The following SLC25A48 variants were observed in gnomAD, a reference collection of about 807,000 sequenced individuals.
SLC25A48 encodes the protein solute carrier family 25 member 48.
A neutral mutation model predicts 32.2 loss-of-function variants in SLC25A48; 29 were observed. The observed-to-expected ratio is 0.90, with a 90% CI of 0.67 to 1.23. SLC25A48 has a LOEUF of 1.23. Among genes scored for constraint, SLC25A48 ranks in the 50% most tolerant of loss-of-function variants. The pLI, the probability that SLC25A48 is intolerant of heterozygous loss-of-function variation, is 0.00. For synonymous variants in SLC25A48, 164 were observed against 172.3 expected, an observed-to-expected ratio of 0.95 and a Z score of 0.38; for missense variants, 399 against 422.7, an observed-to-expected ratio of 0.94 and a Z score of 0.49.
chr5:135,672,677 T>C (rs1753683608), intron 3 of SLC25A48, among the ~76,000 whole-genome samples: 1 of 152,188 alleles, frequency 6.6e-6, no homozygotes, highest in Admixed American at 6.5e-5. Flanking sequence ...GTTTTTTTCG[T>C]AGTTTTTGCA....
intron 3 of SLC25A48, among the ~76,000 whole-genome samples, chr5:135,787,694 T>A (rs1383271132): frequency 1.3e-5 from 2 of 151,942 alleles, no homozygotes; most frequent in Admixed American, 6.6e-5. Flanking sequence ...ACTGGGGGTG[T>A]ACACTGTGAT....
chr5:135,776,272 G>A (rs968624913), intron 3 of SLC25A48, among the ~76,000 whole-genome samples: 4 of 127,426 alleles, frequency 3.1e-5, no homozygotes, highest in Non-Finnish European at 6.3e-5. Flanking sequence ...TATCTGGGGG[G>A]TGGGGGGCAG....
At chr5:135,689,140 A>G (rs142881931) in intron 3 of SLC25A48, among the ~76,000 whole-genome samples, 4 of 152,310 alleles carry the variant, frequency 2.6e-5, no homozygotes, top group East Asian at 3.9e-4. Flanking sequence ...TTTGCATGAA[A>G]TCAATGAGAT....
intron 3 of SLC25A48, among the ~76,000 whole-genome samples, chr5:135,754,431 T>C (rs56261294): frequency 0.4 from 61,480 of 151,884 alleles, 14,330 homozygotes; most frequent in Non-Finnish European, 0.52. Context: ...GGAGTGTTTA[T>C]GCTGTGATAT....
At chr5:135,678,688 G>T (rs942939257) in intron 3 of SLC25A48, among the ~76,000 whole-genome samples, 9 of 152,188 alleles carry the variant, frequency 5.9e-5, no homozygotes, top group African/African-American at 1.7e-4. Context: ...AGGGACGGGG[G>T]TAATTTTTCC....
chr5:135,646,030 T>C (rs1290081555), intron 3 of SLC25A48, among the ~76,000 whole-genome samples: 1 of 152,182 alleles, frequency 6.6e-6, no homozygotes, highest in East Asian at 1.9e-4. Context: ...AGTTTTCTGT[T>C]TGTGTGAAAA....
At chr5:135,790,994 G>C (rs200609676) in intron 3 of SLC25A48, among the ~76,000 whole-genome samples, 1,825 of 22,738 alleles carry the variant, frequency 0.08, 40 homozygotes, top group African/African-American at 0.11. Context: ...GTATAATTAC[G>C]GGGGGGGTGT....
chr5:135,796,925 T>C (rs1757196175), intron 3 of SLC25A48, among the ~76,000 whole-genome samples: 1 of 151,800 alleles, frequency 6.6e-6, no homozygotes. Flanking sequence ...GCGATATTGC[T>C]TTTAATATCC....
At chr5:135,831,600 G>A (rs1758212066), upstream of SLC25A48, among the ~76,000 whole-genome samples, 1 of 152,214 alleles carries the variant, frequency 6.6e-6, no homozygotes, top group Non-Finnish European at 1.5e-5. Context: ...GAAGAAGGGG[G>A]CAGGGATTAG....
At chr5:135,739,324 C>T (rs1363087119) in intron 3 of SLC25A48, among the ~76,000 whole-genome samples, 5 of 151,964 alleles carry the variant, frequency 3.3e-5, no homozygotes, top group South Asian at 4.2e-4. Flanking sequence ...TCACTTTGTA[C>T]CCCAGGCTGG....
chr5:135,712,623 C>T (rs1165352361), intron 3 of SLC25A48, among the ~76,000 whole-genome samples: 2 of 151,566 alleles, frequency 1.3e-5, no homozygotes, highest in Non-Finnish European at 2.9e-5. Flanking sequence ...TGGTTATTCC[C>T]TCAACCCAAA....
rs866938941 is a variant in SLC25A48, at chr5:135,883,224, G to A, written c.*7+3127G>A. The A allele has an allele frequency of 3.3e-5, 33 of 985,288 alleles. No homozygotes were observed. The East Asian group carries it at 9.1e-4, about 27-fold the overall frequency. 61.0% of individuals were successfully genotyped at this position (985,288 alleles called of 1,614,324 possible). ...TTACAAGCATTCTCATCCCCACCCC[G>A]GCTGGGGCAGCGGAGCTTCTGCCTT... On this transcript the variant is annotated intron_variant, in intron 7 of 7. Coordinates refer to ENST00000681962, the MANE Select transcript of SLC25A48 (RefSeq NM_001349336.2).
chr5:135,785,882 C>T (rs1286567424), intron 3 of SLC25A48, among the ~76,000 whole-genome samples: 3 of 147,432 alleles, frequency 2.0e-5, no homozygotes, highest in African/African-American at 5.0e-5. Context: ...GAGGTGGTGA[C>T]ATTACTCACC....
At position 135,853,048 on chromosome 5, in the gene SLC25A48, T is replaced by C. The variant is rs187797773; in HGVS notation, c.421+227T>C. Reference sequence around the variant, plus strand: ...TCACATGAACTTTTTGGTTTCCCAGTGCATTTAAAGTTATGTTTAGACTAT... The same window carrying C: ...TCACATGAACTTTTTGGTTTCCCAGCGCATTTAAAGTTATGTTTAGACTAT... On this transcript the variant is annotated intron_variant, in intron 4 of 7. Transcript: ENST00000681962. 2.6e-5 allele frequency among the ~76,000 whole-genome samples: 4 copies of C among 152,342 alleles called. No homozygotes were observed. The East Asian group carries it at 7.7e-4, about 29-fold the overall frequency.
intron 4 of SLC25A48, among the ~76,000 whole-genome samples, chr5:135,866,711 TAGCC>T (rs745710697): frequency 2.0e-5 from 3 of 152,258 alleles, no homozygotes; most frequent in Non-Finnish European, 4.4e-5. Flanking sequence ...CAGAGCCAGA[TAGCC>T]ATGGCCTGTG....
chr5:135,830,778 C>T (rs1028529220), upstream of SLC25A48, among the ~76,000 whole-genome samples: 4 of 152,216 alleles, frequency 2.6e-5, no homozygotes, highest in South Asian at 2.1e-4. Flanking sequence ...GCCCGTGGTC[C>T]GGTTTCATTA....
rs200164783 is a variant in SLC25A48, at chr5:135,871,459, A to T, written c.422-2A>T. 2.2e-5 allele frequency: 35 copies of T among 1,579,362 alleles called. No homozygotes were observed. Among genetic ancestry groups the T allele is most frequent in the Non-Finnish European group, 2.8e-5 (33 of 1,159,056 alleles). ...GCCACCTTCTCTCCCCTGTCTTTGC[A>T]GCCAACCTCGGTTTGAAGTCCAGGG... is the stretch of plus-strand genomic sequence containing the variant. On this transcript the variant is annotated splice_acceptor_variant, in intron 4 of 7. Transcript: ENST00000681962. LOFTEE classifies it high-confidence loss of function.
intron 6 of SLC25A48, among the ~76,000 whole-genome samples, chr5:135,877,996 G>A (rs79606497): frequency 0.062 from 9,382 of 152,236 alleles, 698 homozygotes; most frequent in African/African-American, 0.17. Context: ...GCAAGGGAGA[G>A]CATGTGGGTC....
At chr5:135,841,541 A>T (rs991760776) in intron 1 of SLC25A48, among the ~76,000 whole-genome samples, 1 of 152,208 alleles carries the variant, frequency 6.6e-6, no homozygotes, top group Non-Finnish European at 1.5e-5. Context: ...TTAGTTTTTC[A>T]TGACATAGGG....
Sources: allele counts gnomAD v4.1 joint callset (sites outside exome capture counted in the v4.1 genomes callset), GRCh38; gene constraint gnomAD v4.1.1; transcripts MANE v1.5; gene names NCBI Gene and HGNC (gene_info 2026-07-23, HGNC 2026-07-21).